ADAMTS9: variants seen among roughly 807,000 people sequenced by gnomAD.
ADAMTS9 encodes A disintegrin and metalloproteinase with thrombospondin motifs 9.
In ADAMTS9, 107 loss-of-function variants were observed where a neutral mutation model predicts 257.1. The ratio of observed to expected loss-of-function variants is 0.42; its 90% CI spans 0.36 to 0.49. ADAMTS9 has a LOEUF of 0.49. ADAMTS9 is among the 20% of genes least tolerant of loss of function. The pLI, the probability that ADAMTS9 is intolerant of heterozygous loss-of-function variation, is 0.03. For synonymous variants in ADAMTS9, 982 were observed against 880.9 expected, an observed-to-expected ratio of 1.11 and a Z score of -2.03; for missense variants, 2,353 against 2,469.1, an observed-to-expected ratio of 0.95 and a Z score of 1.00.
chr3:64,564,861 TA>T (rs2083503239), intron 29 of ADAMTS9, among the ~76,000 whole-genome samples: 1 of 151,760 alleles, frequency 6.6e-6, no homozygotes, highest in Non-Finnish European at 1.5e-5. Flanking sequence ...CATAAATAAA[TA>T]AAACAAAAAA....
intron 3 of ADAMTS9, among the ~76,000 whole-genome samples, chr3:64,666,430 G>GA: frequency 6.6e-6 from 1 of 152,260 alleles, no homozygotes; most frequent in East Asian, 1.9e-4. Flanking sequence ...AGGACCAAAG[G>GA]GAGGATTCAG....
chr3:64,611,732 C>T (rs888740747), intron 22 of ADAMTS9, among the ~76,000 whole-genome samples: 2 of 152,128 alleles, frequency 1.3e-5, no homozygotes, highest in African/African-American at 4.8e-5. Context: ...GGAGCTCAGG[C>T]GGTAATGCTT....
chr3:64,669,150 T>C (rs1456872697), intron 3 of ADAMTS9, among the ~76,000 whole-genome samples: 1 of 152,208 alleles, frequency 6.6e-6, no homozygotes, highest in Non-Finnish European at 1.5e-5. Context: ...TTGGTTTATT[T>C]ATTTTAAAAT....
At position 64,641,264 on chromosome 3, in the gene ADAMTS9, CT is replaced by C. The variant is rs529535981; in HGVS notation, c.1856+583del. 7.9e-3 allele frequency among the ~76,000 whole-genome samples: 1,137 copies of C among 144,196 alleles called. 11 individuals carry two copies. Among genetic ancestry groups the C allele is most frequent in the African/African-American group, 0.027 (1,060 of 39,064 alleles). The allele number at this position is 144,196 out of a possible 152,430, so 94.6% of individuals were successfully genotyped here. On this transcript the variant is annotated intron_variant, in intron 12 of 39. Transcript: ENST00000498707. ...GTGCTATCTTTTTTTTTTTTGCCTG[CT>C]TTTTTTTTGTTTTGTTTTGTTTTGT...
At chr3:64,656,411 C>T (rs1261841102) in intron 4 of ADAMTS9, among the ~76,000 whole-genome samples, 1 of 152,108 alleles carries the variant, frequency 6.6e-6, no homozygotes, top group Non-Finnish European at 1.5e-5. Context: ...CTCTACACAG[C>T]GAAACTCTGG....
chr3:64,517,282 C>T (rs1408793984), intron 39 of ADAMTS9, among the ~76,000 whole-genome samples, 161 bp from the exon 40 acceptor site: 1 of 152,010 alleles, frequency 6.6e-6, no homozygotes, highest in African/African-American at 2.4e-5. Flanking sequence ...CACTCTGTCA[C>T]CGAGGCTGGA....
Position 64,516,255 on chromosome 3 carries a change from A to C in ADAMTS9, c.*872T>G, listed in dbSNP as rs1443590917. On this transcript the variant is annotated 3_prime_UTR_variant, in exon 40 of 40. Coordinates refer to ENST00000498707, the MANE Select transcript of ADAMTS9 (RefSeq NM_182920.2). ...CTTGGCAAAATGGTGAGAGGATCTCACTTTCCCAATATCACTCTGTAATGA... is the reference window on the plus strand; with the variant it reads ...CTTGGCAAAATGGTGAGAGGATCTCCCTTTCCCAATATCACTCTGTAATGA... 6.6e-6 allele frequency: 1 copy of C among 152,594 alleles called. No homozygotes were observed. Among genetic ancestry groups the C allele is most frequent in the African/African-American group, 2.4e-5 (1 of 41,448 alleles). 9.5% of individuals were successfully genotyped at this position (152,594 alleles called of 1,614,324 possible).
intron 25 of ADAMTS9, among the ~76,000 whole-genome samples, chr3:64,603,000 T>C (rs929515436): frequency 6.6e-6 from 1 of 152,192 alleles, no homozygotes; most frequent in African/African-American, 2.4e-5. Context: ...GACAGATGGA[T>C]GAATGGATGC....
chr3:64,521,354 T>G (rs1431804223), intron 39 of ADAMTS9: 2 of 152,144 alleles, frequency 1.3e-5, no homozygotes, highest in Non-Finnish European at 2.9e-5. Context: ...GGACTGTAAA[T>G]TAGTTCATCC....
chr3:64,648,302 G>A (rs975630427), intron 10 of ADAMTS9, among the ~76,000 whole-genome samples: 8 of 152,196 alleles, frequency 5.3e-5, no homozygotes, highest in African/African-American at 1.9e-4. Context: ...AAGGCCCTAT[G>A]TACTCATCCT....
chr3:64,619,471 A>G (rs1700052588), intron 19 of ADAMTS9, among the ~76,000 whole-genome samples: 1 of 152,064 alleles, frequency 6.6e-6, no homozygotes, highest in Non-Finnish European at 1.5e-5. Context: ...CACTCCACTA[A>G]CTCGTTGTGT....
chr3:64,636,781 T>C (rs1443924847), intron 12 of ADAMTS9, among the ~76,000 whole-genome samples: 5 of 152,190 alleles, frequency 3.3e-5, no homozygotes, highest in Non-Finnish European at 5.9e-5. Flanking sequence ...CCACATTGTC[T>C]GTTTGTTTCT....
chr3:64,517,415 G>GTTTTTT lies in ADAMTS9; in HGVS notation c.*6-295_*6-294insAAAAAA, dbSNP rs1242670245. ...CCATCAAGCCCAGCTAATTAAAAATGGTTTTTTTTTTTTTTTTTTTTTTTG... is the reference window on the plus strand; with the variant it reads ...CCATCAAGCCCAGCTAATTAAAAATGTTTTTTGTTTTTTTTTTTTTTTTTTTTTTTG... On this transcript the variant is annotated intron_variant, in intron 39 of 39. Coordinates refer to ENST00000498707, the MANE Select transcript of ADAMTS9 (RefSeq NM_182920.2). 9.9e-3 allele frequency among the ~76,000 whole-genome samples: 114 copies of GTTTTTT among 11,538 alleles called. 4 individuals carry two copies. The highest frequency in any genetic ancestry group is 0.015 in the African/African-American group (106 of 6,908). The allele number at this position is 11,538 out of a possible 152,430, so 7.6% of individuals were successfully genotyped here. A position where few individuals can be genotyped will look rare whatever the true frequency, so the allele number is the denominator to read the frequency against.
intron 16 of ADAMTS9, among the ~76,000 whole-genome samples, chr3:64,629,768 C>A (rs552422877): frequency 6.6e-6 from 1 of 152,262 alleles, no homozygotes; most frequent in South Asian, 2.1e-4. Context: ...TAGAACAGTG[C>A]CTGGCACATA....
At chr3:64,602,543 C>A (rs1224069056) in intron 25 of ADAMTS9, among the ~76,000 whole-genome samples, 2 of 152,150 alleles carry the variant, frequency 1.3e-5, no homozygotes, top group East Asian at 3.9e-4. Context: ...CACTGACTAC[C>A]CCTTTGACCC....
chr3:64,541,039 C>T (rs1162111375), intron 36 of ADAMTS9, 56 bp downstream of exon 36: 4 of 1,602,996 alleles, frequency 2.5e-6, no homozygotes, highest in Non-Finnish European at 3.4e-6. Context: ...GACATGCTTG[C>T]TGTCTGAATG....
chr3:64,580,706 A>T (rs981573102), intron 28 of ADAMTS9, among the ~76,000 whole-genome samples: 5 of 152,228 alleles, frequency 3.3e-5, no homozygotes, highest in South Asian at 2.1e-4. Context: ...CCTATTCAGA[A>T]ATGCAAATAT....
At chr3:64,661,430 TG>T (rs1431357575) in intron 3 of ADAMTS9, among the ~76,000 whole-genome samples, 10 of 152,350 alleles carry the variant, frequency 6.6e-5, no homozygotes, top group Non-Finnish European at 1.2e-4. Flanking sequence ...CTTTTATGTA[TG>T]TTATCTTACT....
intron 28 of ADAMTS9, among the ~76,000 whole-genome samples, chr3:64,581,042 C>T (rs74489732): frequency 0.01 from 1,573 of 152,224 alleles, 53 homozygotes; most frequent in East Asian, 0.07. Context: ...CCTGTCCGCA[C>T]GATAGACATC....
Sources: allele counts gnomAD v4.1 joint callset (sites outside exome capture counted in the v4.1 genomes callset), GRCh38; gene constraint gnomAD v4.1.1; transcripts MANE v1.5; gene names NCBI Gene and HGNC (gene_info 2026-07-23, HGNC 2026-07-21).